The following TMEM178B variants were observed in gnomAD, a reference collection of about 807,000 sequenced individuals.
TMEM178B encodes the protein transmembrane protein 178B.
A neutral mutation model predicts 31.0 loss-of-function variants in TMEM178B; 5 were observed. That is an observed-to-expected ratio of 0.16 (90% CI 0.08 to 0.34). The LOEUF (loss-of-function observed/expected upper bound fraction) is 0.34, where lower values mean the gene tolerates loss of function less well. TMEM178B is among the 10% of genes least tolerant of loss of function. The probability of loss-of-function intolerance (pLI) is 1.00; values close to 1 mark genes in which losing one functional copy is unlikely to be tolerated. For synonymous variants in TMEM178B, 164 were observed against 164.0 expected, an observed-to-expected ratio of 1.00 and a Z score of 0.00; for missense variants, 275 against 400.3, an observed-to-expected ratio of 0.69 and a Z score of 2.67.
chr7:141,235,078 A>G (rs780533659), intron 2 of TMEM178B, among the ~76,000 whole-genome samples: 1 of 152,206 alleles, frequency 6.6e-6, no homozygotes, highest in Non-Finnish European at 1.5e-5. Context: ...GGAATGTTCT[A>G]GAGTATTAGC....
intron 1 of TMEM178B, among the ~76,000 whole-genome samples, chr7:141,104,267 CCT>C (rs763531214): frequency 6.6e-6 from 1 of 152,108 alleles, no homozygotes; most frequent in Non-Finnish European, 1.5e-5. Context: ...GGTGAAGGAT[CCT>C]CTGTTTTCAG....
intron 1 of TMEM178B, among the ~76,000 whole-genome samples, chr7:141,122,048 A>C (rs1395782811): frequency 6.6e-6 from 1 of 152,216 alleles, no homozygotes; most frequent in African/African-American, 2.4e-5. Flanking sequence ...GGAGAAAAAC[A>C]AGTGTTATTG....
At chr7:141,424,422 C>T (rs937633884) in intron 2 of TMEM178B, among the ~76,000 whole-genome samples, 2 of 152,192 alleles carry the variant, frequency 1.3e-5, no homozygotes, top group African/African-American at 4.8e-5. Flanking sequence ...AGGTCTGTAG[C>T]TTCCACTGTA....
chr7:141,396,590 G>A (rs558627021), intron 2 of TMEM178B, among the ~76,000 whole-genome samples: 11 of 152,202 alleles, frequency 7.2e-5, no homozygotes, highest in Non-Finnish European at 1.5e-4. Context: ...CCACGCTTGG[G>A]CTGACCACTG....
rs766018973 is a variant in TMEM178B at position 141,241,590 on chromosome 7, CAA to C, written c.496+28908_496+28909del. On this transcript the variant is annotated intron_variant, in intron 2 of 3. Coordinates refer to ENST00000565468, the MANE Select transcript of TMEM178B (RefSeq NM_001195278.2). ...GGGGAACAAGAGCGGGACTTCGTCT[CAA>C]AAAAAAAAAAAAAAAAAAAAAGAAT... is the stretch of plus-strand genomic sequence containing the variant. Among the ~76,000 whole-genome samples the C allele has an allele frequency of 1.6e-3, 122 of 75,956 alleles. 1 individual carries two copies. Among genetic ancestry groups the C allele is most frequent in the Middle Eastern group, 6.2e-3 (1 of 162 alleles). The allele number at this position is 75,956 out of a possible 152,430, so 49.8% of individuals were successfully genotyped here. A position where few individuals can be genotyped will look rare whatever the true frequency, so the allele number is the denominator to read the frequency against.
At chr7:141,390,114 A>T (rs955973115) in intron 2 of TMEM178B, among the ~76,000 whole-genome samples, 10 of 150,198 alleles carry the variant, frequency 6.7e-5, no homozygotes, top group African/African-American at 9.8e-5. Context: ...TTCCCTTTTT[A>T]AAAAAAAAGA....
chr7:141,400,029 C>T (rs1563171786), intron 2 of TMEM178B, among the ~76,000 whole-genome samples: 1 of 152,090 alleles, frequency 6.6e-6, no homozygotes, highest in African/African-American at 2.4e-5. Flanking sequence ...GTTCTGGGAA[C>T]ACAAAGATAA....
intron 1 of TMEM178B, among the ~76,000 whole-genome samples, chr7:141,115,035 T>TTGTG (rs141595860): frequency 3.7e-4 from 55 of 148,654 alleles, no homozygotes; most frequent in Middle Eastern, 3.5e-3. Flanking sequence ...TCTGTGGGAT[T>TTGTG]TGTGTGTGTG....
intron 2 of TMEM178B, among the ~76,000 whole-genome samples, chr7:141,244,046 G>T (rs1452507230): frequency 6.6e-6 from 1 of 152,162 alleles, no homozygotes; most frequent in Non-Finnish European, 1.5e-5. Flanking sequence ...GTGCAGTTCA[G>T]TCTTATTCAG....
At chr7:141,327,155 A>G (rs1057314650) in intron 2 of TMEM178B, among the ~76,000 whole-genome samples, 2 of 152,148 alleles carry the variant, frequency 1.3e-5, no homozygotes, top group South Asian at 4.1e-4. Context: ...CTATTCCTAA[A>G]TTGGGTAGAC....
intron 2 of TMEM178B, among the ~76,000 whole-genome samples, chr7:141,383,539 GAC>G (rs1312324988): frequency 6.6e-6 from 1 of 152,088 alleles, no homozygotes; most frequent in Non-Finnish European, 1.5e-5. Context: ...CCCTACAAAG[GAC>G]ATGAACTCAT....
Position 141,430,347 on chromosome 7 carries a change from T to G in TMEM178B, c.497-7261T>G, listed in dbSNP as rs1801402051. Among the ~76,000 whole-genome samples, 4 of 152,194 alleles carry G rather than the reference T, an allele frequency of 2.6e-5. No homozygotes were observed. The South Asian group carries it at 8.3e-4, about 32-fold the overall frequency. ...CAGTACATGAAAAAATGAGAATTGCTTTAATTTAGGTGACTTCTATTTCTA... is the reference window on the plus strand; with the variant it reads ...CAGTACATGAAAAAATGAGAATTGCGTTAATTTAGGTGACTTCTATTTCTA... On this transcript the variant is annotated intron_variant, in intron 2 of 3. Transcript: ENST00000565468.
chr7:141,230,689 T>G (rs554752387), intron 2 of TMEM178B, among the ~76,000 whole-genome samples: 1 of 152,336 alleles, frequency 6.6e-6, no homozygotes, highest in Non-Finnish European at 1.5e-5. Flanking sequence ...CAGGTTGGAG[T>G]GCAGTAGTGC....
chr7:141,086,243 G>T (rs1026255670), intron 1 of TMEM178B, among the ~76,000 whole-genome samples: 1 of 152,082 alleles, frequency 6.6e-6, no homozygotes, highest in Non-Finnish European at 1.5e-5. Flanking sequence ...TGTTGGCCAG[G>T]CTGGTCTCGA....
chr7:141,107,411 C>T lies in TMEM178B; in HGVS notation c.382+32719C>T, dbSNP rs564260431. The stretch of plus-strand genomic sequence containing the variant: ...ATGCAGGGAGATCAGTTAGGAGCTG[C>T]GTTTACAATGTAGGCATGGTGATGG... On this transcript the variant is annotated intron_variant, in intron 1 of 3. Transcript: ENST00000565468. Among the ~76,000 whole-genome samples, 17 of 152,180 alleles carry T rather than the reference C, an allele frequency of 1.1e-4. No individual in the cohort carries two copies. The South Asian group carries it at 1.5e-3, about 13-fold the overall frequency.
intron 2 of TMEM178B, among the ~76,000 whole-genome samples, chr7:141,351,091 T>C (rs748317429): frequency 2.6e-5 from 4 of 152,248 alleles, no homozygotes; most frequent in Non-Finnish European, 2.9e-5. Flanking sequence ...TCAGTGTCTT[T>C]GGAACTGATC....
At position 141,470,849 on chromosome 7, in the gene TMEM178B, C is replaced by T. The variant is rs1032259222; in HGVS notation, c.*63C>T. Reference sequence around the variant, plus strand: ...ATATATATAATATACATATATAAAACAAAACAAAACTAAATCAAGACGATG... The same window carrying T: ...ATATATATAATATACATATATAAAATAAAACAAAACTAAATCAAGACGATG... On this transcript the variant is annotated 3_prime_UTR_variant, in exon 4 of 4. Transcript: ENST00000565468. 1 of 934,232 alleles carries T rather than the reference C, an allele frequency of 1.1e-6. No individual in the cohort carries two copies. The highest frequency in any genetic ancestry group is 1.8e-5 in the African/African-American group (1 of 56,884). 57.9% of individuals were successfully genotyped at this position (934,232 alleles called of 1,614,324 possible). A position where few individuals can be genotyped will look rare whatever the true frequency, so the allele number is the denominator to read the frequency against.
intron 1 of TMEM178B, among the ~76,000 whole-genome samples, chr7:141,157,529 C>G (rs933517438): frequency 1.3e-5 from 2 of 152,062 alleles, no homozygotes; most frequent in African/African-American, 2.4e-5. Flanking sequence ...ACAACAACAA[C>G]AACAACAACA....
rs989503392 is a variant in TMEM178B, at chr7:141,293,621, G to A, written c.496+80917G>A. 2.6e-5 allele frequency among the ~76,000 whole-genome samples: 4 copies of A among 152,286 alleles called. No individual in the cohort carries two copies. In the East Asian group the frequency reaches 5.8e-4, roughly 22 times the overall value. On this transcript the variant is annotated intron_variant, in intron 2 of 3. Transcript: ENST00000565468. ...GGAGAGCTAAGAATCAAGAATGTCA[G>A]CTTCACTCAATTCAGTCTTCTGTTG...
Sources: allele counts gnomAD v4.1 joint callset (sites outside exome capture counted in the v4.1 genomes callset), GRCh38; gene constraint gnomAD v4.1.1; transcripts MANE v1.5; gene names NCBI Gene and HGNC (gene_info 2026-07-23, HGNC 2026-07-21).